NEBL: variants seen among roughly 807,000 people sequenced by gnomAD.
The protein encoded by NEBL is nebulette.
In NEBL, 122 loss-of-function variants were observed where a neutral mutation model predicts 140.2. That is an observed-to-expected ratio of 0.87 (90% CI 0.75 to 1.01). NEBL has a LOEUF of 1.01. Among genes scored for constraint, NEBL ranks in the 50% least tolerant of loss-of-function variants. The probability of loss-of-function intolerance (pLI) is 0.00; values close to 1 mark genes in which losing one functional copy is unlikely to be tolerated. For synonymous variants in NEBL, 436 were observed against 398.9 expected (o/e 1.09, Z -1.11); for missense variants, 1,365 against 1,231.3 (o/e 1.11, Z -1.62).
At chr10:21,215,001 T>C (rs936115266) in intron 3 of NEBL, among the ~76,000 whole-genome samples, 4 of 152,258 alleles carry the variant, frequency 2.6e-5, no homozygotes, top group African/African-American at 9.6e-5. Flanking sequence ...GCCACCTGCC[T>C]CACCCCACCC....
At chr10:21,147,448 A>C (rs1589284095) in intron 2 of NEBL, among the ~76,000 whole-genome samples, 1 of 136,924 alleles carries the variant, frequency 7.3e-6, no homozygotes, top group African/African-American at 2.8e-5. Context: ...GCCTCCCTTC[A>C]CTGGCTTTCC....
chr10:21,170,203 T>A (rs11012555), intron 2 of NEBL: 26,544 of 152,138 alleles, frequency 0.17, 2,532 homozygotes, highest in East Asian at 0.35. Flanking sequence ...TCCAATTCTC[T>A]CTCATTGTTG....
At chr10:21,183,219 A>G (rs1355650412) in intron 3 of NEBL, among the ~76,000 whole-genome samples, 2 of 152,202 alleles carry the variant, frequency 1.3e-5, no homozygotes, top group Non-Finnish European at 2.9e-5. Context: ...AGAGAGAAAT[A>G]GCAGAGATGA....
chr10:21,198,850 C>T (rs926873444), intron 3 of NEBL, among the ~76,000 whole-genome samples: 12 of 152,056 alleles, frequency 7.9e-5, no homozygotes, highest in African/African-American at 2.9e-4. Flanking sequence ...CAGAAAGTGA[C>T]CATTTTCTCT....
At chr10:21,145,690 C>T (rs2132112373) in intron 2 of NEBL, among the ~76,000 whole-genome samples, 1 of 152,308 alleles carries the variant, frequency 6.6e-6, no homozygotes, top group East Asian at 1.9e-4. Flanking sequence ...ACATCCCAAA[C>T]ATAAAGTATG....
At chr10:21,124,600 G>A (rs1423759593) in intron 2 of NEBL, among the ~76,000 whole-genome samples, 1 of 152,148 alleles carries the variant, frequency 6.6e-6, no homozygotes, top group East Asian at 1.9e-4. Flanking sequence ...CAAAGAGGAT[G>A]GGGAATGTAG....
rs915586298 is a variant in NEBL, at chr10:20,909,698, T to C, written c.357+51974A>G. Among the ~76,000 whole-genome samples, 7 of 152,146 alleles carry C rather than the reference T, an allele frequency of 4.6e-5. No homozygotes were observed. The South Asian group carries it at 6.2e-4, about 14-fold the overall frequency. On this transcript the variant is annotated intron_variant, in intron 4 of 6. Coordinates refer to the NEBL transcript ENST00000417816. ...TTGCAAAAAGCTAATGAAGATAATT[T>C]ACAGAATAACTCAACAATTCTCTCA...
chr10:20,851,222 A>G (rs568984330), intron 10 of NEBL, among the ~76,000 whole-genome samples: 1 of 152,270 alleles, frequency 6.6e-6, no homozygotes, highest in Non-Finnish European at 1.5e-5. Context: ...AGAAGTTTTT[A>G]TACTTCATTT....
chr10:20,983,283 A>G (rs148752186), intron 3 of NEBL, among the ~76,000 whole-genome samples: 89 of 152,376 alleles, frequency 5.8e-4, no homozygotes, highest in Non-Finnish European at 1.1e-3. Flanking sequence ...TAGAACAATT[A>G]TCTTGAGACC....
intron 3 of NEBL, among the ~76,000 whole-genome samples, chr10:20,888,754 T>A (rs1846761150): frequency 6.6e-6 from 1 of 152,166 alleles, no homozygotes; most frequent in Admixed American, 6.5e-5. Flanking sequence ...AAAACTAAGG[T>A]TCAAGGGAAC....
intron 3 of NEBL, among the ~76,000 whole-genome samples, chr10:21,200,558 C>T (rs1267212956): frequency 6.6e-6 from 1 of 152,178 alleles, no homozygotes; most frequent in African/African-American, 2.4e-5. Context: ...AGATGATCCA[C>T]CTGCCTCGGC....
intron 2 of NEBL, among the ~76,000 whole-genome samples, chr10:21,166,152 G>A (rs1477804159): frequency 1.4e-5 from 2 of 146,906 alleles, no homozygotes; most frequent in African/African-American, 5.1e-5. Flanking sequence ...TCCGGGAGGC[G>A]GAGCTTGCAG....
intron 4 of NEBL, among the ~76,000 whole-genome samples, chr10:20,915,354 A>G (rs1359802399): frequency 6.6e-6 from 1 of 150,860 alleles, no homozygotes; most frequent in African/African-American, 2.4e-5. Flanking sequence ...CGCTGCACCC[A>G]CTAACTCAGC....
chr10:21,129,700 C>T (rs867680737), intron 2 of NEBL, among the ~76,000 whole-genome samples: 2 of 151,372 alleles, frequency 1.3e-5, no homozygotes, highest in East Asian at 1.9e-4. Context: ...ATATTGCAAA[C>T]CTCAGGGCAA....
At position 20,809,674 on chromosome 10, in the gene NEBL, G is replaced by A. The variant is rs1387315873; in HGVS notation, c.2611+132C>T. 9 of 710,016 alleles carry A rather than the reference G, an allele frequency of 1.3e-5. No individual in the cohort carries two copies. In the East Asian group the frequency reaches 2.4e-4, roughly 19 times the overall value. 44.0% of individuals were successfully genotyped at this position (710,016 alleles called of 1,614,324 possible). On this transcript the variant is annotated intron_variant, in intron 25 of 27. Transcript: ENST00000377122. The stretch of plus-strand genomic sequence containing the variant: ...ACTAATTGTATTTAAAAGTAGCATA[G>A]CATTTTTTTGGTTTGCCAAATTCTC...
At chr10:20,838,842 C>G (rs1339043594) in intron 13 of NEBL, among the ~76,000 whole-genome samples, 1 of 152,096 alleles carries the variant, frequency 6.6e-6, no homozygotes, top group African/African-American at 2.4e-5. Context: ...ATCATTAGCA[C>G]TATTATAAAT....
At chr10:20,900,256 C>G (rs1564433239), upstream of NEBL, among the ~76,000 whole-genome samples, 1 of 152,228 alleles carries the variant, frequency 6.6e-6, no homozygotes, top group Non-Finnish European at 1.5e-5. Context: ...CAAGAGACAT[C>G]ACTTATGGCT....
At chr10:21,198,865 C>T (rs564784687) in intron 3 of NEBL, among the ~76,000 whole-genome samples, 5 of 152,188 alleles carry the variant, frequency 3.3e-5, no homozygotes, top group East Asian at 1.9e-4. Flanking sequence ...TTCTCTTTCT[C>T]GGGAATTTTA....
At chr10:21,254,809 T>G (rs1228921700) in intron 1 of NEBL, among the ~76,000 whole-genome samples, 12 of 152,026 alleles carry the variant, frequency 7.9e-5, no homozygotes, top group African/African-American at 2.9e-4. Flanking sequence ...CTGTCTGGAC[T>G]TCACATACCC....
Sources: allele counts gnomAD v4.1 joint callset (sites outside exome capture counted in the v4.1 genomes callset), GRCh38; gene constraint gnomAD v4.1.1; transcripts MANE v1.5; gene names NCBI Gene and HGNC (gene_info 2026-07-23, HGNC 2026-07-21).